Variants in RAB38 observed in about 807,000 individuals in gnomAD.
The protein encoded by RAB38 is ras-related protein Rab-38.
Under a neutral mutation model 18.4 loss-of-function variants are expected in RAB38, and 15 were observed. That is an observed-to-expected ratio of 0.82 (90% CI 0.55 to 1.26). The LOEUF (loss-of-function observed/expected upper bound fraction) is 1.26. RAB38 is among the 50% of genes most tolerant of loss of function. RAB38 has a pLI of 0.00. For synonymous variants in RAB38, 101 were observed against 104.4 expected (o/e 0.97, Z 0.20); for missense variants, 294 against 267.4 (o/e 1.10, Z -0.69).
At chr11:88,122,946 C>T (rs917390250) in intron 2 of RAB38, among the ~76,000 whole-genome samples, 5 of 152,168 alleles carry the variant, frequency 3.3e-5, no homozygotes, top group Non-Finnish European at 7.3e-5. Flanking sequence ...TACTGTTAAA[C>T]AAAGGACAAG....
At chr11:88,047,032 A>C in the RAB38 span, among the ~76,000 whole-genome samples, 1 of 152,182 alleles carries the variant, frequency 6.6e-6, no homozygotes, top group East Asian at 1.9e-4. Context: ...CTAGCCCTCA[A>C]TTCTGCGTGC....
chr11:88,076,988 GAAAAGA>G, the RAB38 span, among the ~76,000 whole-genome samples: 3 of 70,460 alleles, frequency 4.3e-5, no homozygotes, highest in Admixed American at 1.4e-4. Flanking sequence ...AAGAAAGAAA[GAAAAGA>G]AAAGAAAAGA....
chr11:87,966,278 G>A, the RAB38 span, among the ~76,000 whole-genome samples: 1 of 152,042 alleles, frequency 6.6e-6, no homozygotes, highest in Non-Finnish European at 1.5e-5. Flanking sequence ...AAGCAATTTT[G>A]TGCCACAAGA....
At chr11:87,836,514 C>T in the RAB38 span, among the ~76,000 whole-genome samples, 3 of 152,122 alleles carry the variant, frequency 2.0e-5, no homozygotes, top group South Asian at 2.1e-4. Flanking sequence ...ACTATCTGAG[C>T]TCAGCATACC....
the RAB38 span, among the ~76,000 whole-genome samples, chr11:87,805,621 ACG>A: frequency 5.6e-3 from 618 of 109,426 alleles, 2 homozygotes; most frequent in Non-Finnish European, 8.5e-3. Context: ...ACACACACAC[ACG>A]CACACACACA....
the RAB38 span, among the ~76,000 whole-genome samples, chr11:88,092,136 T>A: frequency 6.6e-6 from 1 of 151,720 alleles, no homozygotes. Flanking sequence ...TGGTTTCTAC[T>A]GAGTTTCTTT....
chr11:88,054,574 C>A, the RAB38 span, among the ~76,000 whole-genome samples: 1 of 152,196 alleles, frequency 6.6e-6, no homozygotes, highest in Admixed American at 6.5e-5. Context: ...GTGACATAAT[C>A]TCTGTCTTCC....
At chr11:87,951,641 T>C in the RAB38 span, among the ~76,000 whole-genome samples, 41 of 152,302 alleles carry the variant, frequency 2.7e-4, 1 homozygote, top group East Asian at 1.4e-3. Context: ...TGCAGGTCTG[T>C]TGGAGTTTGC....
the RAB38 span, among the ~76,000 whole-genome samples, chr11:88,086,313 C>T: frequency 1.3e-5 from 2 of 151,774 alleles, no homozygotes; most frequent in Admixed American, 6.6e-5. Flanking sequence ...TTTTGTTATG[C>T]CAAGGAGTAG....
chr11:88,175,139 C>A (rs747859928), intron 1 of RAB38, 44 bp downstream of exon 1: 4 of 1,506,846 alleles, frequency 2.7e-6, no homozygotes, highest in Non-Finnish European at 1.8e-6. Context: ...TGGAAACCGG[C>A]CGCGAGGCGC....
At chr11:87,860,998 G>C in the RAB38 span, among the ~76,000 whole-genome samples, 1 of 151,870 alleles carries the variant, frequency 6.6e-6, no homozygotes, top group African/African-American at 2.4e-5. Flanking sequence ...CAAATTTATG[G>C]TGAAACTTTG....
the RAB38 span, among the ~76,000 whole-genome samples, chr11:87,924,741 A>C: frequency 6.6e-6 from 1 of 152,032 alleles, no homozygotes; most frequent in South Asian, 2.1e-4. Context: ...AGGCTTGAGA[A>C]GACGAAGGGT....
At chr11:87,868,384 G>C in the RAB38 span, among the ~76,000 whole-genome samples, 1 of 151,592 alleles carries the variant, frequency 6.6e-6, no homozygotes, top group Admixed American at 6.6e-5. Flanking sequence ...AACAGAAGCA[G>C]ATGTTAGTGC....
Position 88,126,876 on chromosome 11 carries a change from A to G in RAB38, c.484-12736T>C, listed in dbSNP as rs546533968. ...GGATGTGTATAAAGTGAGAGGAGAT[A>G]TATGAAAGAACTTAGCAATAGTGCT... is the stretch of plus-strand genomic sequence containing the variant. On this transcript the variant is annotated intron_variant, in intron 2 of 2. Coordinates refer to ENST00000243662, the MANE Select transcript of RAB38 (RefSeq NM_022337.3). Among the ~76,000 whole-genome samples the G allele has an allele frequency of 4.6e-5, 7 of 152,316 alleles. No homozygotes were observed. The South Asian group carries it at 1.5e-3, about 32-fold the overall frequency.
At chr11:87,817,980 G>T in the RAB38 span, among the ~76,000 whole-genome samples, 1 of 152,126 alleles carries the variant, frequency 6.6e-6, no homozygotes, top group East Asian at 1.9e-4. Flanking sequence ...CCCCAGGATT[G>T]GTTCTAAAAG....
At chr11:87,929,853 T>C in the RAB38 span, among the ~76,000 whole-genome samples, 1 of 152,080 alleles carries the variant, frequency 6.6e-6, no homozygotes, top group Admixed American at 6.5e-5. Flanking sequence ...CTGAGAATGA[T>C]GGTTTCCAGC....
chr11:88,085,164 C>T, the RAB38 span, among the ~76,000 whole-genome samples: 11 of 152,026 alleles, frequency 7.2e-5, no homozygotes, highest in East Asian at 2.1e-3. Context: ...AGCAATGATG[C>T]TCTGGTAAGG....
At chr11:87,890,903 C>T in the RAB38 span, among the ~76,000 whole-genome samples, 1 of 151,646 alleles carries the variant, frequency 6.6e-6, no homozygotes, top group East Asian at 2.0e-4. Context: ...ACATGGGAAC[C>T]CTTGTTAAAA....
the RAB38 span, among the ~76,000 whole-genome samples, chr11:87,805,957 C>T: frequency 2.0e-5 from 3 of 152,064 alleles, no homozygotes; most frequent in Non-Finnish European, 2.9e-5. Context: ...TAATTTACTT[C>T]ACTCAAAGTC....
Sources: gnomAD v4.1 joint callset for allele counts (sites outside exome capture counted in the v4.1 genomes callset) on GRCh38, gnomAD v4.1.1 for gene constraint, MANE v1.5 for transcripts, NCBI Gene and HGNC (gene_info 2026-07-23, HGNC 2026-07-21) for gene names.